UBR4: variants seen among roughly 807,000 people sequenced by gnomAD.
The protein encoded by UBR4 is ubiquitin protein ligase E3 component n-recognin 4, also known as E3 ubiquitin-protein ligase UBR4.
A neutral mutation model predicts 575.6 loss-of-function variants in UBR4; 124 were observed. The observed-to-expected ratio is 0.22, with a 90% CI of 0.19 to 0.25. The LOEUF (loss-of-function observed/expected upper bound fraction) is 0.25. Ranked by LOEUF, UBR4 falls within the 10% of genes least tolerant of loss-of-function variation. The probability of loss-of-function intolerance (pLI) is 1.00; values close to 1 mark genes in which losing one functional copy is unlikely to be tolerated. For missense variants in UBR4, 4,818 were observed against 6,478.8 expected (o/e 0.74, Z 8.80); for synonymous variants, 2,455 against 2,473.7 (o/e 0.99, Z 0.22).
intron 77 of UBR4, 27 bp from the exon 78 acceptor site, chr1:19,112,894 G>A (rs753466000): frequency 1.3e-6 from 2 of 1,519,128 alleles, no homozygotes; most frequent in South Asian, 1.3e-5. Flanking sequence ...AACAATAATG[G>A]GAATTAGCAA....
chr1:19,165,690 C>G lies in UBR4; in HGVS notation c.4177G>C (p.Ala1393Pro). ...YLEKQLESSQARKAMEEFFSD... is the reference protein window; with the variant it reads ...YLEKQLESSQPRKAMEEFFSD... ...AAAAACTCCTCCATAGCTTTACGAGCCTGGCTACTTTCCAGCTGCTTTTCC... is the reference window on the plus strand; with the variant it reads ...AAAAACTCCTCCATAGCTTTACGAGGCTGGCTACTTTCCAGCTGCTTTTCC... The change falls in exon 30 of 106, where the codon GCT (alanine) becomes CCT (proline). Residue 1393 changes from alanine to proline, a missense_variant. Ala to Pro is a conservative substitution (Grantham distance 27). Transcript: ENST00000375254. 1 of 1,614,150 alleles carries G rather than the reference C, an allele frequency of 6.2e-7. No individual in the cohort carries two copies. The highest frequency in any genetic ancestry group is 8.5e-7 in the Non-Finnish European group (1 of 1,180,000).
chr1:19,094,173 T>C (rs2077796003), intron 94 of UBR4, 34 bp from the exon 95 acceptor site: 1 of 1,577,820 alleles, frequency 6.3e-7, no homozygotes, highest in Non-Finnish European at 8.7e-7. Flanking sequence ...ATGCCATTAA[T>C]GCAGTCAGGA....
Position 19,144,776 on chromosome 1 carries a change from T to C in UBR4, c.8067+10A>G. ...TGCTGCGAGCTCTCTGGGATTGTAA[T>C]GCTACGTACAGGACACAAGAGCATC... is the stretch of plus-strand genomic sequence containing the variant. On this transcript the variant is annotated intron_variant, in intron 54 of 105. Coordinates refer to ENST00000375254, the MANE Select transcript of UBR4 (RefSeq NM_020765.3). The C allele has an allele frequency of 6.2e-7, 1 of 1,609,310 alleles. No individual in the cohort carries two copies. The highest frequency in any genetic ancestry group is 8.5e-7 in the Non-Finnish European group (1 of 1,178,084).
At position 19,110,886 on chromosome 1, in the gene UBR4, C is replaced by G; in HGVS notation, c.11802-54G>C. The G allele has an allele frequency of 6.5e-7, 1 of 1,535,572 alleles. No individual in the cohort carries two copies. The highest frequency in any genetic ancestry group is 8.9e-7 in the Non-Finnish European group (1 of 1,120,514). ...ATAATTCACAATCAGGTGTGACACT[C>G]CTTTCCACCTGAAGGGGCCCAGGGA... is the stretch of plus-strand genomic sequence containing the variant. On this transcript the variant is annotated intron_variant, in intron 78 of 105. Transcript: ENST00000375254. The surrounding 1 kb of genome is among the most constrained non-coding windows in gnomAD (Gnocchi z 4.5).
At chr1:19,115,804 TCTA>T (rs1359109879) in intron 73 of UBR4, among the ~76,000 whole-genome samples, 167 bp from the exon 74 acceptor site, 1 of 152,228 alleles carries the variant, frequency 6.6e-6, no homozygotes, top group Non-Finnish European at 1.5e-5. Context: ...AAAAAAGTTT[TCTA>T]CTACCTTTTC....
intron 17 of UBR4, among the ~76,000 whole-genome samples, chr1:19,181,305 T>C (rs2090930235): frequency 6.6e-6 from 1 of 151,548 alleles, no homozygotes; most frequent in Admixed American, 6.6e-5. Flanking sequence ...AGGGCAAGAG[T>C]ACTGCTTGAG....
chr1:19,209,240 G>A (rs1345052863), intron 1 of UBR4, among the ~76,000 whole-genome samples: 1 of 152,178 alleles, frequency 6.6e-6, no homozygotes, highest in Admixed American at 6.5e-5. Context: ...CTAGAAAAAT[G>A]AAAGTCAGTC....
Position 19,146,945 on chromosome 1 carries a change from C to T in UBR4, c.7685G>A (p.Gly2562Asp). 1 of 1,613,788 alleles carries T rather than the reference C, an allele frequency of 6.2e-7. No individual in the cohort carries two copies. Residue 2562 changes from glycine (G) to aspartate (D), a missense_variant, in exon 52 of 106, where the codon GGC (glycine) becomes GAC (aspartate). Transcript: ENST00000375254. ...VQCLNTSSKE[G>D]KDLDPEVFQR... ...GAACACCTCAGGGTCCAAATCCTTG[C>T]CCTCTTTGCTAGATGTGTTGAGACA...
At chr1:19,199,054 G>A (rs990649948) in intron 3 of UBR4, 126 bp from the exon 4 acceptor site, 46 of 1,084,474 alleles carry the variant, frequency 4.2e-5, no homozygotes, top group Non-Finnish European at 3.4e-5. Context: ...CTAAAGCAAA[G>A]ACTGCAAGCT....
intron 99 of UBR4, 35 bp downstream of exon 99, chr1:19,087,781 G>A (rs1466352931): frequency 6.4e-7 from 1 of 1,558,428 alleles, no homozygotes; most frequent in African/African-American, 1.4e-5. Flanking sequence ...GTCAGGCTGG[G>A]CCCTCAGGAC....
At position 19,100,603 on chromosome 1, in the gene UBR4, A is replaced by G; in HGVS notation, c.13024-30T>C. 8 of 1,608,746 alleles carry G rather than the reference A, an allele frequency of 5.0e-6. No individual in the cohort carries two copies. Among genetic ancestry groups the G allele is most frequent in the Non-Finnish European group, 6.8e-6 (8 of 1,175,542 alleles). Reference sequence around the variant, plus strand: ...AGGACAGACAGAAGGGTGCATCAGAAGGGATGGCAGAGGTGGAGATTTATA... The same window carrying G: ...AGGACAGACAGAAGGGTGCATCAGAGGGGATGGCAGAGGTGGAGATTTATA... On this transcript the variant is annotated intron_variant, in intron 88 of 105. Coordinates refer to ENST00000375254, the MANE Select transcript of UBR4 (RefSeq NM_020765.3). This position sits in a 1 kb window ranked among gnomAD's most constrained non-coding sequence, Gnocchi z 4.2.
chr1:19,202,686 G>A (rs1382254264), intron 1 of UBR4, among the ~76,000 whole-genome samples: 6 of 151,940 alleles, frequency 3.9e-5, no homozygotes, highest in Admixed American at 2.0e-4. Context: ...CTGGGGAAAT[G>A]CCCTCTTCTG....
rs2077951436 is a variant in UBR4 at position 19,095,559 on chromosome 1, C to A, written c.13612G>T (p.Gly4538Trp). 2 of 1,613,790 alleles carry A rather than the reference C, an allele frequency of 1.2e-6. No homozygotes were observed. The highest frequency in any genetic ancestry group is 1.7e-6 in the Non-Finnish European group (2 of 1,180,010). ...ATGCTCCTTACCAGGTTTAGGGTCC[C>A]CAGCATGACGTTCAAGGTGTTCATT... ...LEMNTLNVML[G>W]TLNLALVAEQ... The change falls in exon 93 of 106, where the codon GGG (glycine) becomes TGG (tryptophan). Residue 4538 changes from glycine (G) to tryptophan (W), a missense_variant. Transcript: ENST00000375254.
At position 19,210,229 on chromosome 1, in the gene UBR4, T is replaced by C; in HGVS notation, c.20A>G (p.Glu7Gly). The C allele has an allele frequency of 7.0e-7, 1 of 1,427,592 alleles. No homozygotes were observed. Among genetic ancestry groups the C allele is most frequent in the South Asian group, 1.5e-5 (1 of 67,114 alleles). The allele number at this position is 1,427,592 out of a possible 1,614,324, so 88.4% of individuals were successfully genotyped here. ...CGCCGGAGCCGCTGCCGCCGCCTCTTCGCCGCCGCTCGTCGCCATCTTCCG... is the reference window on the plus strand; with the variant it reads ...CGCCGGAGCCGCTGCCGCCGCCTCTCCGCCGCCGCTCGTCGCCATCTTCCG... Reference protein sequence around the residue: MATSGGEEAAAAAPAPG... With the variant: MATSGGGEAAAAAPAPG... The change falls in exon 1 of 106, where the codon GAA becomes GGA. Residue 7 changes from glutamate (E) to glycine (G), a missense_variant. Around this residue, in one of 29 missense-constraint regions of UBR4, gnomAD observed 95 missense variants for 87.7 expected, o/e 1.08. Transcript: ENST00000375254.
rs1165830697 is a variant in UBR4 at position 19,119,612 on chromosome 1, T to C, written c.10400A>G (p.Gln3467Arg). ...GAAATATCCTAGTAGGTCCACAAAC[T>C]GGGCAGCCTTACGACCATAGGCTGG... ...ELPAYGRKAAQFVDLLGYFSL... is the reference protein window; with the variant it reads ...ELPAYGRKAARFVDLLGYFSL... The change falls in exon 70 of 106, where the codon CAG becomes CGG. Residue 3467 changes from glutamine (Q) to arginine (R), a missense_variant. Coordinates refer to ENST00000375254, the MANE Select transcript of UBR4 (RefSeq NM_020765.3). 4.3e-6 allele frequency: 7 copies of C among 1,613,992 alleles called. No homozygotes were observed. Among genetic ancestry groups the C allele is most frequent in the Non-Finnish European group, 5.1e-6 (6 of 1,179,948 alleles).
intron 97 of UBR4, among the ~76,000 whole-genome samples, chr1:19,091,704 C>T (rs1282230566): frequency 1.3e-5 from 2 of 152,150 alleles, no homozygotes; most frequent in African/African-American, 2.4e-5. Context: ...CATACATTTC[C>T]GGTGAAATGT....
At chr1:19,142,858 G>A (rs1027797483) in intron 55 of UBR4, among the ~76,000 whole-genome samples, 5 of 152,010 alleles carry the variant, frequency 3.3e-5, no homozygotes, top group South Asian at 2.1e-4. Context: ...GCAGTGGCTC[G>A]CGCCTATAAT....
chr1:19,108,486 C>T (rs2079480907), intron 81 of UBR4, among the ~76,000 whole-genome samples: 1 of 152,104 alleles, frequency 6.6e-6, no homozygotes, highest in African/African-American at 2.4e-5. Flanking sequence ...ACTTGGGGTG[C>T]AGCAGAGGCG....
intron 60 of UBR4, 80 bp downstream of exon 60, chr1:19,137,927 C>A (rs1166382226): frequency 1.5e-6 from 2 of 1,319,500 alleles, no homozygotes; most frequent in East Asian, 5.4e-5. Context: ...TACTCTACCT[C>A]CTGCAATTGA....
Sources: gnomAD v4.1 joint callset for allele counts (sites outside exome capture counted in the v4.1 genomes callset) on GRCh38, gnomAD v4.1.1 for gene constraint, gnomAD v4.1.1 regional missense constraint, Gnocchi (gnomAD v3.1) non-coding constraint, MANE v1.5 for transcripts, NCBI Gene and HGNC (gene_info 2026-07-23, HGNC 2026-07-21) for gene names.